Variants in ACACB observed in about 807,000 individuals in gnomAD.
The protein encoded by ACACB is acetyl-CoA carboxylase beta.
In ACACB, 209 loss-of-function variants were observed where a neutral mutation model predicts 278.8. That is an observed-to-expected ratio of 0.75 (90% CI 0.67 to 0.84). The LOEUF (loss-of-function observed/expected upper bound fraction) is 0.84. Among genes scored for constraint, ACACB ranks in the 40% least tolerant of loss-of-function variants. The probability of loss-of-function intolerance (pLI) is 0.00; values close to 1 mark genes in which losing one functional copy is unlikely to be tolerated. For missense variants in ACACB, 2,850 were observed against 3,269.0 expected (o/e 0.87, Z 3.13); for synonymous variants, 1,174 against 1,285.6 (o/e 0.91, Z 1.86).
At chr12:109,148,475 T>C (rs945706844) in intron 2 of ACACB, among the ~76,000 whole-genome samples, 20 of 152,180 alleles carry the variant, frequency 1.3e-4, no homozygotes, top group Non-Finnish European at 2.5e-4. Flanking sequence ...AGATTGCAGC[T>C]GGAATCCTGA....
chr12:109,209,834 C>CATACACACACGTGTGTATATATGTAT (rs2045633289), intron 21 of ACACB, among the ~76,000 whole-genome samples: 1 of 142,386 alleles, frequency 7.0e-6, no homozygotes, highest in Admixed American at 7.0e-5. Flanking sequence ...TATATATACA[C>CATACACACACGTGTGTATATATGTAT]ATACACACAC....
chr12:109,255,117 C>T (rs907623912), intron 44 of ACACB, among the ~76,000 whole-genome samples: 1 of 152,138 alleles, frequency 6.6e-6, no homozygotes. Context: ...CACACACACA[C>T]GCACGTGGAC....
chr12:109,120,010 A>T (rs1045567600), intron 1 of ACACB, among the ~76,000 whole-genome samples: 1 of 152,058 alleles, frequency 6.6e-6, no homozygotes, highest in Non-Finnish European at 1.5e-5. Context: ...ACTTGAACAC[A>T]CTCTCCTTTC....
intron 33 of ACACB, chr12:109,235,930 T>TA: frequency 2.7e-6 from 1 of 363,832 alleles, no homozygotes; most frequent in East Asian, 5.2e-5. Context: ...ACCTGGGAAA[T>TA]AGAGGTTTCA....
At chr12:109,256,536 C>G (rs2047228963) in intron 45 of ACACB, among the ~76,000 whole-genome samples, 1 of 152,194 alleles carries the variant, frequency 6.6e-6, no homozygotes. Context: ...TTCACAGACA[C>G]TGGCACTCTG....
chr12:109,242,480 G>A lies in ACACB; in HGVS notation c.5066G>A (p.Gly1689Glu), dbSNP rs2046827091. The A allele has an allele frequency of 6.2e-7, 1 of 1,614,074 alleles. No individual in the cohort carries two copies. Among genetic ancestry groups the A allele is most frequent in the Admixed American group, 1.7e-5 (1 of 60,014 alleles). ...GGCAACAAGCAAGGGCCCCAGCACG[G>A]GATGCTGATCAATACTCCCTACGTC... ...SFGNKQGPQH[G>E]MLINTPYVTK... is the part of the protein sequence containing the mutation. Residue 1689 changes from glycine to glutamate, a missense_variant, in exon 37 of 53, where the codon GGG becomes GAG. By Grantham distance (98) the Gly-to-Glu change is moderately conservative (BLOSUM62 -2). Around this residue, in one of 3 missense-constraint regions of ACACB, gnomAD observed 2,265 missense variants for 2,561.3 expected, o/e 0.88. Coordinates refer to ENST00000338432, the MANE Select transcript of ACACB (RefSeq NM_001093.4).
rs373882930 is a variant in ACACB, at chr12:109,201,627, C to T, written c.2839C>T (p.Arg947Cys). The T allele has an allele frequency of 1.5e-5, 25 of 1,614,034 alleles. No individual in the cohort carries two copies. Among genetic ancestry groups the T allele is most frequent in the South Asian group, 8.8e-5 (8 of 91,076 alleles). The change falls in exon 19 of 53, where the codon CGT (arginine) becomes TGT (cysteine). Residue 947 changes from arginine (R) to cysteine (C), a missense_variant. Arg to Cys is a radical substitution (Grantham distance 180). Coordinates refer to ENST00000338432, the MANE Select transcript of ACACB (RefSeq NM_001093.4). ...QERGRVKYIK[R>C]PGAVLEAGCV... ...AAGAGGCCGGGTGAAGTACATCAAG[C>T]GTCCAGGTGCCGTGCTGGAAGCAGG...
chr12:109,233,282 T>C (rs534672905), intron 29 of ACACB, among the ~76,000 whole-genome samples: 2 of 152,356 alleles, frequency 1.3e-5, no homozygotes, highest in African/African-American at 4.8e-5. Context: ...TAGCTCTCAA[T>C]AGTTACTGTT....
In ACACB at chr12:109,260,358, C is replaced by T. The variant is rs113165800; in HGVS notation, c.6497-122C>T. On this transcript the variant is annotated intron_variant, in intron 47 of 52. Coordinates refer to ENST00000338432, the MANE Select transcript of ACACB (RefSeq NM_001093.4). ...GTGATCAGTACTCTCAAATCCCAGC[C>T]CAGTGCTCTCCAAGCCTCTCAGCTG... The T allele has an allele frequency of 4.1e-3, 5,334 of 1,292,022 alleles. 183 individuals carry two copies. In the African/African-American group the frequency reaches 0.068, roughly 16 times the overall value. 80.0% of individuals were successfully genotyped at this position (1,292,022 alleles called of 1,614,324 possible).
intron 26 of ACACB, among the ~76,000 whole-genome samples, chr12:109,223,345 C>T (rs1005176135): frequency 1.3e-5 from 2 of 152,138 alleles, no homozygotes; most frequent in East Asian, 1.9e-4. Context: ...TTCACCAGCT[C>T]TCCTATGATT....
chr12:109,256,771 G>GTT (rs912456269), intron 45 of ACACB, among the ~76,000 whole-genome samples: 1 of 152,180 alleles, frequency 6.6e-6, no homozygotes, highest in African/African-American at 2.4e-5. Flanking sequence ...GCAGCTATAA[G>GTT]TCCAGGCTCT....
At chr12:109,204,925 C>T (rs1172811359) in intron 19 of ACACB, among the ~76,000 whole-genome samples, 2 of 152,174 alleles carry the variant, frequency 1.3e-5, no homozygotes, top group African/African-American at 4.8e-5. Flanking sequence ...CAGCTCACTG[C>T]AACCTCCACT....
chr12:109,140,878 G>A (rs2043105491), intron 2 of ACACB, among the ~76,000 whole-genome samples: 1 of 135,614 alleles, frequency 7.4e-6, no homozygotes. Context: ...AAGAGACATT[G>A]ATTCATTCAT....
intron 34 of ACACB, among the ~76,000 whole-genome samples, 180 bp from the exon 35 acceptor site, chr12:109,239,650 A>G (rs552942234): frequency 3.3e-5 from 5 of 152,374 alleles, no homozygotes; most frequent in Non-Finnish European, 7.3e-5. Context: ...CAATACACTC[A>G]ACAGCTTTGC....
At chr12:109,112,162 TTAAA>T (rs951823499), upstream of ACACB, among the ~76,000 whole-genome samples, 97 of 149,196 alleles carry the variant, frequency 6.5e-4, 1 homozygote, top group Admixed American at 2.7e-4. Context: ...AATGTATATT[TTAAA>T]TATATATACA....
At chr12:109,234,266 A>G (rs2046567667) in intron 31 of ACACB, among the ~76,000 whole-genome samples, 1 of 152,198 alleles carries the variant, frequency 6.6e-6, no homozygotes, top group South Asian at 2.1e-4. Flanking sequence ...GCAATGATTC[A>G]ATGACAAAGT....
chr12:109,113,742 G>T (rs1244649241), upstream of ACACB, among the ~76,000 whole-genome samples: 11 of 152,216 alleles, frequency 7.2e-5, no homozygotes, highest in Non-Finnish European at 1.2e-4. Flanking sequence ...GCGTATGCGT[G>T]TGGTGTTGGC....
intron 34 of ACACB, 83 bp from the exon 35 acceptor site, chr12:109,239,747 C>A: frequency 2.8e-6 from 4 of 1,431,924 alleles, no homozygotes; most frequent in Non-Finnish European, 3.7e-6. Flanking sequence ...CCTGTCTCTG[C>A]CTCTTTGGGG....
intron 52 of ACACB, 112 bp downstream of exon 52, chr12:109,265,637 C>G (rs2047499375): frequency 1.5e-6 from 2 of 1,370,250 alleles, no homozygotes; most frequent in Admixed American, 4.1e-5. Flanking sequence ...CCTGTGCAGT[C>G]TGGGGTTGTC....
Sources: gnomAD v4.1 joint callset for allele counts (sites outside exome capture counted in the v4.1 genomes callset) on GRCh38, gnomAD v4.1.1 for gene constraint, gnomAD v4.1.1 regional missense constraint, MANE v1.5 for transcripts, NCBI Gene and HGNC (gene_info 2026-07-23, HGNC 2026-07-21) for gene names.